ZSCAN25: variants seen among roughly 807,000 people sequenced by gnomAD.
The protein encoded by ZSCAN25 is zinc finger and SCAN domain containing 25.
In ZSCAN25, 27 loss-of-function variants were observed where a neutral mutation model predicts 38.7. That is an observed-to-expected ratio of 0.70 (90% CI 0.51 to 0.96). The LOEUF is 0.96. ZSCAN25 is among the 40% of genes least tolerant of loss of function. The pLI is 0.00. For synonymous variants in ZSCAN25, 273 were observed against 277.7 expected (o/e 0.98, Z 0.17); for missense variants, 637 against 705.9 (o/e 0.90, Z 1.11).
At chr7:99,637,149 G>A (rs1431405923), downstream of ZSCAN25, among the ~76,000 whole-genome samples, 4 of 152,194 alleles carry the variant, frequency 2.6e-5, no homozygotes, top group Non-Finnish European at 5.9e-5. Context: ...TTGCTATAAT[G>A]TGAAAACAGG....
chr7:99,667,121 G>C, the ZSCAN25 span: 1 of 1,497,338 alleles, frequency 6.7e-7, no homozygotes, highest in Non-Finnish European at 9.2e-7. Flanking sequence ...CTTCATGGTT[G>C]CACAAAATAT....
At chr7:99,638,217 A>C in the ZSCAN25 span, 1 of 1,498,772 alleles carries the variant, frequency 6.7e-7, no homozygotes. Context: ...CTCTCCTTCC[A>C]GGGGATGGGT....
the ZSCAN25 span, chr7:99,679,688 A>G: frequency 1.4e-6 from 1 of 738,704 alleles, no homozygotes; most frequent in Admixed American, 2.5e-5. Flanking sequence ...AATAACTTCT[A>G]TGCGTTTGTA....
chr7:99,719,395 G>A, the ZSCAN25 span, among the ~76,000 whole-genome samples: 1 of 152,126 alleles, frequency 6.6e-6, no homozygotes, highest in Admixed American at 6.5e-5. Context: ...TCCAAAAATG[G>A]CTTTGGAACA....
chr7:99,628,703 G>A (rs2151293935), intron 7 of ZSCAN25, among the ~76,000 whole-genome samples: 1 of 152,362 alleles, frequency 6.6e-6, no homozygotes, highest in East Asian at 1.9e-4. Flanking sequence ...GGGCAGGACA[G>A]GGGACTGAGC....
At chr7:99,664,925 G>A in the ZSCAN25 span, among the ~76,000 whole-genome samples, 4 of 152,164 alleles carry the variant, frequency 2.6e-5, no homozygotes, top group East Asian at 7.7e-4. Context: ...GAGGCAGAAA[G>A]TTGATTATTG....
the ZSCAN25 span, among the ~76,000 whole-genome samples, chr7:99,716,332 G>A: frequency 2.0e-5 from 3 of 152,144 alleles, no homozygotes; most frequent in African/African-American, 7.2e-5. Context: ...TATGCCCAGA[G>A]CCGATTCCTC....
chr7:99,632,004 G>A lies in ZSCAN25; in HGVS notation c.*1984G>A, dbSNP rs1213768169. ...TTCCCCAGAGGGTGGTTTTCCAAAG[G>A]CAGGTGGGGACTGGGGAGGCCTCGG... is the stretch of plus-strand genomic sequence containing the variant. On this transcript the variant is annotated 3_prime_UTR_variant, in exon 8 of 8. Transcript: ENST00000394152. 3 of 985,384 alleles carry A rather than the reference G, an allele frequency of 3.0e-6. No homozygotes were observed. Among genetic ancestry groups the A allele is most frequent in the Non-Finnish European group, 3.6e-6 (3 of 829,990 alleles). The allele number at this position is 985,384 out of a possible 1,614,324, so 61.0% of individuals were successfully genotyped here.
the ZSCAN25 span, among the ~76,000 whole-genome samples, chr7:99,664,744 ATAAT>A: frequency 2.0e-5 from 3 of 152,204 alleles, no homozygotes; most frequent in Non-Finnish European, 4.4e-5. Context: ...CAAATTGATT[ATAAT>A]TATTTACACC....
chr7:99,662,571 C>T, the ZSCAN25 span, among the ~76,000 whole-genome samples: 1 of 152,182 alleles, frequency 6.6e-6, no homozygotes, highest in African/African-American at 2.4e-5. This position sits in a 1 kb window ranked among gnomAD's most constrained non-coding sequence, Gnocchi z 4.3. Context: ...AGGTGATCCA[C>T]AAACCACTGA....
At chr7:99,702,917 C>A in the ZSCAN25 span, among the ~76,000 whole-genome samples, 1 of 152,090 alleles carries the variant, frequency 6.6e-6, no homozygotes, top group Non-Finnish European at 1.5e-5. Flanking sequence ...TCTTCAATTT[C>A]CTTCATCAGT....
At chr7:99,619,540 T>C (rs1488706843) in intron 3 of ZSCAN25, 21 bp from the exon 4 acceptor site, 2 of 1,516,844 alleles carry the variant, frequency 1.3e-6, no homozygotes, top group Non-Finnish European at 8.9e-7. Flanking sequence ...TGACCTTTCA[T>C]GTGTCTCTTG....
chr7:99,696,303 G>A, the ZSCAN25 span, among the ~76,000 whole-genome samples: 1 of 151,838 alleles, frequency 6.6e-6, no homozygotes, highest in African/African-American at 2.4e-5. Context: ...CAGTCACAGA[G>A]GGTCACTGAG....
the ZSCAN25 span, among the ~76,000 whole-genome samples, chr7:99,728,506 A>C: frequency 7.2e-5 from 11 of 152,202 alleles, no homozygotes; most frequent in Non-Finnish European, 1.5e-4. Context: ...TGGGTGCAAG[A>C]CACCTCTTTT....
In ZSCAN25 at chr7:99,619,573, A is replaced by T; in HGVS notation, c.-34A>T. 2 of 1,574,840 alleles carry T rather than the reference A, an allele frequency of 1.3e-6. No homozygotes were observed. Among genetic ancestry groups the T allele is most frequent in the Non-Finnish European group, 1.7e-6 (2 of 1,160,202 alleles). ...TTGTTCTCAAAAGGGTCATTGATGCAGTCATTCTCAGTCTCCTCGGAGGGA... is the reference window on the plus strand; with the variant it reads ...TTGTTCTCAAAAGGGTCATTGATGCTGTCATTCTCAGTCTCCTCGGAGGGA... On this transcript the variant is annotated 5_prime_UTR_variant, in exon 4 of 8. Transcript: ENST00000394152.
chr7:99,710,137 T>C, the ZSCAN25 span, among the ~76,000 whole-genome samples: 3 of 152,230 alleles, frequency 2.0e-5, no homozygotes, highest in African/African-American at 7.2e-5. Flanking sequence ...TGTCTCTTCA[T>C]AGCACAAAGA....
At chr7:99,713,564 C>CA in the ZSCAN25 span, 3 of 1,612,812 alleles carry the variant, frequency 1.9e-6, no homozygotes, top group Non-Finnish European at 2.5e-6. Context: ...ATTTTATTGA[C>CA]AGAAAGTGAC....
chr7:99,655,872 T>C, the ZSCAN25 span, among the ~76,000 whole-genome samples: 1 of 152,214 alleles, frequency 6.6e-6, no homozygotes, highest in Non-Finnish European at 1.5e-5. Context: ...ATGATTTGGC[T>C]CTCTGTTTGT....
At chr7:99,635,543 A>G (rs1808240215), downstream of ZSCAN25, among the ~76,000 whole-genome samples, 1 of 152,220 alleles carries the variant, frequency 6.6e-6, no homozygotes, top group Admixed American at 6.5e-5. Context: ...CAAAAGGTTT[A>G]GAGTTTTCCA....
Sources: gnomAD v4.1 joint callset for allele counts (sites outside exome capture counted in the v4.1 genomes callset) on GRCh38, gnomAD v4.1.1 for gene constraint, Gnocchi (gnomAD v3.1) non-coding constraint, MANE v1.5 for transcripts, NCBI Gene and HGNC (gene_info 2026-07-23, HGNC 2026-07-21) for gene names.